PPP1R3B: variants seen among roughly 807,000 people sequenced by gnomAD.
PPP1R3B encodes the protein protein phosphatase 1 regulatory subunit 3B, also known as PP1 subunit R4.
PPP1R3B carries 8 observed loss-of-function variants against 14.6 expected under a neutral mutation model. The observed-to-expected ratio is 0.55, with a 90% confidence interval of 0.32 to 0.99. PPP1R3B has a LOEUF of 0.99. Ranked by LOEUF, PPP1R3B falls within the 50% of genes least tolerant of loss-of-function variation. The pLI is 0.04. For synonymous variants in PPP1R3B, 169 were observed against 142.0 expected (o/e 1.19, Z -1.35); for missense variants, 452 against 360.1 (o/e 1.26, Z -2.07).
chr8:9,148,062 T>G (rs1801294168), intron 1 of PPP1R3B, among the ~76,000 whole-genome samples: 1 of 152,144 alleles, frequency 6.6e-6, no homozygotes, highest in Non-Finnish European at 1.5e-5. Flanking sequence ...ATTTACCAGG[T>G]CATTCTCCAA....
At chr8:9,147,269 G>A (rs925900997) in intron 1 of PPP1R3B, among the ~76,000 whole-genome samples, 5 of 152,130 alleles carry the variant, frequency 3.3e-5, no homozygotes, top group African/African-American at 7.2e-5. Context: ...CCACAGTGCT[G>A]GGATTATAGG....
intron 1 of PPP1R3B, among the ~76,000 whole-genome samples, chr8:9,143,159 T>C (rs1396753651): frequency 6.6e-6 from 1 of 152,208 alleles, no homozygotes; most frequent in Admixed American, 6.5e-5. Context: ...TCCACGTCTT[T>C]GCCAATACTT....
Position 9,139,500 on chromosome 8 carries a change from C to T in PPP1R3B, c.*1294G>A, listed in dbSNP as rs1314067685. 1.3e-5 allele frequency: 2 copies of T among 152,158 alleles called. No individual in the cohort carries two copies. Among genetic ancestry groups the T allele is most frequent in the East Asian group, 3.8e-4 (2 of 5,196 alleles). The allele number at this position is 152,158 out of a possible 1,614,324, so 9.4% of individuals were successfully genotyped here. A position where few individuals can be genotyped will look rare whatever the true frequency, so the allele number is the denominator to read the frequency against. Reference sequence around the variant, plus strand: ...GATATTGGATATGCAAATCAAATGTCCTAAACACAGCAGAAAAGATGACTC... The same window carrying T: ...GATATTGGATATGCAAATCAAATGTTCTAAACACAGCAGAAAAGATGACTC... On this transcript the variant is annotated 3_prime_UTR_variant, in exon 2 of 2. Transcript: ENST00000310455.
At chr8:9,145,457 C>G (rs960027038) in intron 1 of PPP1R3B, 4 of 152,154 alleles carry the variant, frequency 2.6e-5, no homozygotes, top group Non-Finnish European at 5.9e-5. Context: ...CTTTAGTTTA[C>G]TTTACTATAA....
Position 9,141,027 on chromosome 8 carries a change from C to G in PPP1R3B, c.625G>C (p.Glu209Gln). The G allele has an allele frequency of 6.2e-7, 1 of 1,614,162 alleles. No homozygotes were observed. Among genetic ancestry groups the G allele is most frequent in the Non-Finnish European group, 8.5e-7 (1 of 1,180,036 alleles). ...TTGCACTCGTAGTACACAGCAAACT[C>G]CATTCTTTCATAAGACTGAATCTTC... is the stretch of plus-strand genomic sequence containing the variant. ...PEKIQSYERM[E>Q]FAVYYECNGQ... Residue 209 changes from glutamate (E) to glutamine (Q), a missense_variant, in exon 2 of 2, where the codon GAG becomes CAG. Physicochemically the swap from Glu to Gln is conservative, Grantham distance 29. Transcript: ENST00000310455.
At chr8:9,147,014 G>C (rs1383493665) in intron 1 of PPP1R3B, among the ~76,000 whole-genome samples, 1 of 150,002 alleles carries the variant, frequency 6.7e-6, no homozygotes, top group African/African-American at 2.5e-5. Flanking sequence ...ATGGAGTCTT[G>C]CTCTGTTGCC....
At position 9,136,887 on chromosome 8, in the gene PPP1R3B, G is replaced by C. The variant is rs1430267820; in HGVS notation, c.*3907C>G. ...AGAGGGAAGATCCAGAAAATGGGCAGTTCCAAAAAAGGAACACTTTTTTGA... is the reference window on the plus strand; with the variant it reads ...AGAGGGAAGATCCAGAAAATGGGCACTTCCAAAAAAGGAACACTTTTTTGA... On this transcript the variant is annotated 3_prime_UTR_variant, in exon 2 of 2. Transcript: ENST00000310455. 1 of 152,194 alleles carries C rather than the reference G, an allele frequency of 6.6e-6. No homozygotes were observed. Among genetic ancestry groups the C allele is most frequent in the Non-Finnish European group, 1.5e-5 (1 of 68,028 alleles). The allele number at this position is 152,194 out of a possible 1,614,324, so 9.4% of individuals were successfully genotyped here. A position where few individuals can be genotyped will look rare whatever the true frequency, so the allele number is the denominator to read the frequency against.
intron 1 of PPP1R3B, among the ~76,000 whole-genome samples, chr8:9,147,114 C>T (rs1036840695): frequency 1.3e-5 from 2 of 152,180 alleles, no homozygotes; most frequent in South Asian, 4.1e-4. Flanking sequence ...TCCCAAGTAG[C>T]TGGGACTACT....
In PPP1R3B at chr8:9,140,735, C is replaced by T; in HGVS notation, c.*59G>A. The T allele has an allele frequency of 2.5e-6, 4 of 1,577,824 alleles. No individual in the cohort carries two copies. The highest frequency in any genetic ancestry group is 1.3e-5 in the African/African-American group (1 of 74,308). On this transcript the variant is annotated 3_prime_UTR_variant, in exon 2 of 2. Coordinates refer to ENST00000310455, the MANE Select transcript of PPP1R3B (RefSeq NM_024607.4). ...TCCCTGGCCTTCCATCTCCACTGCA[C>T]AGTGAGCAGAGCTAGGCTTGTCTGT... is the stretch of plus-strand genomic sequence containing the variant.
chr8:9,147,604 G>A (rs1290110229), intron 1 of PPP1R3B, among the ~76,000 whole-genome samples: 2 of 152,066 alleles, frequency 1.3e-5, no homozygotes, highest in African/African-American at 2.4e-5. Context: ...CAGCCCACTA[G>A]AGCCAATGTC....
chr8:9,145,312 TCTC>T (rs1029838066), intron 1 of PPP1R3B: 7 of 152,342 alleles, frequency 4.6e-5, no homozygotes, highest in African/African-American at 9.6e-5. Context: ...ACCAACCCCT[TCTC>T]CTCCTCTTCC....
chr8:9,136,365 ACT>A lies in PPP1R3B; in HGVS notation c.*4427_*4428del, dbSNP rs939472859. 1.3e-4 allele frequency: 20 copies of A among 152,114 alleles called. No homozygotes were observed. The highest frequency in any genetic ancestry group is 4.1e-4 in the African/African-American group (17 of 41,400). 9.4% of individuals were successfully genotyped at this position (152,114 alleles called of 1,614,324 possible). On this transcript the variant is annotated 3_prime_UTR_variant, in exon 2 of 2. Coordinates refer to ENST00000310455, the MANE Select transcript of PPP1R3B (RefSeq NM_024607.4). The stretch of plus-strand genomic sequence containing the variant: ...ATTTTTAAAGTGCATTTCCCCTTGA[ACT>A]CTGTGTACAAAAATATTTATCTTTT...
In PPP1R3B at chr8:9,137,662, TA is replaced by T; in HGVS notation, c.*3131del. The T allele has an allele frequency of 6.6e-6, 1 of 152,378 alleles. No homozygotes were observed. Among genetic ancestry groups the T allele is most frequent in the East Asian group, 1.9e-4 (1 of 5,198 alleles). The allele number at this position is 152,378 out of a possible 1,614,324, so 9.4% of individuals were successfully genotyped here. A position where few individuals can be genotyped will look rare whatever the true frequency, so the allele number is the denominator to read the frequency against. ...AGGAGGGTAGCAGAGGAGCAAGTGG[TA>T]AACAGAAGACAGATAGAAGGCAGTA... On this transcript the variant is annotated 3_prime_UTR_variant, in exon 2 of 2. Transcript: ENST00000310455.
chr8:9,149,422 G>C (rs1003597535), intron 1 of PPP1R3B, among the ~76,000 whole-genome samples: 2 of 151,764 alleles, frequency 1.3e-5, no homozygotes, highest in Non-Finnish European at 2.9e-5. Context: ...AGAATGGCGT[G>C]AACCCGGGAG....
Position 9,149,504 on chromosome 8 carries a change from AAAAC to A in PPP1R3B, c.-18+1055_-18+1058del, listed in dbSNP as rs142636558. Among the ~76,000 whole-genome samples, 550 of 152,336 alleles carry A rather than the reference AAAAC, an allele frequency of 3.6e-3. 23 individuals are homozygous for A. In the East Asian group the frequency reaches 0.073, roughly 20 times the overall value. On this transcript the variant is annotated intron_variant, in intron 1 of 1. Coordinates refer to ENST00000310455, the MANE Select transcript of PPP1R3B (RefSeq NM_024607.4). ...GGGCGACAGAGCGACACTCCGTCTC[AAAAC>A]AAACAAACAAAACCAAACAAACAAA... is the stretch of plus-strand genomic sequence containing the variant.
At chr8:9,147,496 T>A (rs1246949746) in intron 1 of PPP1R3B, among the ~76,000 whole-genome samples, 1 of 152,034 alleles carries the variant, frequency 6.6e-6, no homozygotes, top group African/African-American at 2.4e-5. Flanking sequence ...CAAACCAGCC[T>A]CCTACGTGCT....
At chr8:9,145,673 A>G (rs1479066549) in intron 1 of PPP1R3B, among the ~76,000 whole-genome samples, 1 of 152,180 alleles carries the variant, frequency 6.6e-6, no homozygotes. Flanking sequence ...AAATGCAGAG[A>G]AAAAAGACTA....
At chr8:9,144,549 ATT>A (rs984597879) in intron 1 of PPP1R3B, among the ~76,000 whole-genome samples, 1 of 152,106 alleles carries the variant, frequency 6.6e-6, no homozygotes, top group Admixed American at 6.5e-5. Flanking sequence ...TTTTTTAATC[ATT>A]TTTTATCCTA....
At chr8:9,142,053 G>A (rs1801108287) in intron 1 of PPP1R3B, among the ~76,000 whole-genome samples, 2 of 152,154 alleles carry the variant, frequency 1.3e-5, no homozygotes, top group South Asian at 4.1e-4. Context: ...AAATCTATTT[G>A]ACTAAAAGGG....
Sources: allele counts gnomAD v4.1 joint callset (sites outside exome capture counted in the v4.1 genomes callset), GRCh38; gene constraint gnomAD v4.1.1; transcripts MANE v1.5; gene names NCBI Gene and HGNC (gene_info 2026-07-23, HGNC 2026-07-21).